Variants in CIT observed in about 807,000 individuals in gnomAD.
CIT encodes citron Rho-interacting kinase.
A neutral mutation model predicts 272.7 loss-of-function variants in CIT; 79 were observed. The ratio of observed to expected loss-of-function variants is 0.29; its 90% CI spans 0.24 to 0.35. The LOEUF (loss-of-function observed/expected upper bound fraction) is 0.35, where lower values mean the gene tolerates loss of function less well. Ranked by LOEUF, CIT falls within the 10% of genes least tolerant of loss-of-function variation. CIT has a pLI of 1.00. For missense variants in CIT, 1,909 were observed against 2,618.3 expected, an observed-to-expected ratio of 0.73 and a Z score of 5.91; for synonymous variants, 948 against 995.6, an observed-to-expected ratio of 0.95 and a Z score of 0.90.
intron 9 of CIT, among the ~76,000 whole-genome samples, chr12:119,808,887 T>C (rs1966750453): frequency 6.6e-6 from 1 of 152,232 alleles, no homozygotes. Flanking sequence ...CTTATCAATG[T>C]TATGAAGACA....
chr12:119,697,803 G>A lies in CIT; in HGVS notation c.5738C>T (p.Pro1913Leu), dbSNP rs756543423. ...PARAYLDIPNPRYLGPAISSG... is the reference protein window; with the variant it reads ...PARAYLDIPNLRYLGPAISSG... ...GGAAATGGCAGGGCCCAGGTAGCGC[G>A]GGTTCGGGATGTCCAGGTACGCTCG... is the stretch of plus-strand genomic sequence containing the variant. Residue 1913 changes from proline (P) to leucine (L), a missense_variant, in exon 46 of 48, where the codon CCG becomes CTG. By Grantham distance (98) the Pro-to-Leu change is moderately conservative. Coordinates refer to ENST00000392521, the MANE Select transcript of CIT (RefSeq NM_001206999.2). The surrounding 1 kb of genome is among the most constrained non-coding windows in gnomAD (Gnocchi z 4.9). 7 of 1,614,026 alleles carry A rather than the reference G, an allele frequency of 4.3e-6. No homozygotes were observed. Among genetic ancestry groups the A allele is most frequent in the African/African-American group, 2.7e-5 (2 of 74,890 alleles).
At chr12:119,737,371 A>G (rs1022255959) in intron 24 of CIT, among the ~76,000 whole-genome samples, 1 of 151,244 alleles carries the variant, frequency 6.6e-6, no homozygotes, top group East Asian at 1.9e-4. Context: ...AGACTAGACT[A>G]TAGAAAGTCT....
chr12:119,685,917 G>C lies in CIT; in HGVS notation c.*2315C>G, dbSNP rs1461234271. 6.6e-6 allele frequency: 1 copy of C among 152,506 alleles called. No individual in the cohort carries two copies. Among genetic ancestry groups the C allele is most frequent in the Non-Finnish European group, 1.5e-5 (1 of 68,028 alleles). The allele number at this position is 152,506 out of a possible 1,614,324, so 9.4% of individuals were successfully genotyped here. ...GAATAAAAAAGGTAATGAAGAAAAA[G>C]CCTGTACTTTTGGAGACCTAGAATC... On this transcript the variant is annotated 3_prime_UTR_variant, in exon 48 of 48. Transcript: ENST00000392521.
intron 2 of CIT, among the ~76,000 whole-genome samples, chr12:119,871,096 G>A (rs2138412910): frequency 6.8e-6 from 1 of 146,776 alleles, no homozygotes; most frequent in Admixed American, 7.0e-5. Flanking sequence ...TCCAGCCTGG[G>A]CGACAGGGCG....
At position 119,796,385 on chromosome 12, in the gene CIT, T is replaced by C. The variant is rs183347767; in HGVS notation, c.1295+6821A>G. ...TGCCAATGAGGAAGAAAGATGGGTATGGATGCAAGTGGCATCCTAGAGGCA... is the reference window on the plus strand; with the variant it reads ...TGCCAATGAGGAAGAAAGATGGGTACGGATGCAAGTGGCATCCTAGAGGCA... On this transcript the variant is annotated intron_variant, in intron 10 of 47. Coordinates refer to ENST00000392521, the MANE Select transcript of CIT (RefSeq NM_001206999.2). Among the ~76,000 whole-genome samples the C allele has an allele frequency of 1.4e-4, 22 of 152,218 alleles. 1 individual carries two copies. Among genetic ancestry groups the C allele is most frequent in the African/African-American group, 5.3e-4 (22 of 41,528 alleles).
chr12:119,691,540 T>C (rs560613853), intron 46 of CIT, among the ~76,000 whole-genome samples: 1 of 152,010 alleles, frequency 6.6e-6, no homozygotes, highest in Non-Finnish European at 1.5e-5. Context: ...TCAGGCCTGA[T>C]AGAGTCAGGA....
Position 119,799,284 on chromosome 12 carries a change from G to C in CIT, c.1295+3922C>G, listed in dbSNP as rs545873894. Among the ~76,000 whole-genome samples, 13 of 152,252 alleles carry C rather than the reference G, an allele frequency of 8.5e-5. No homozygotes were observed. The South Asian group carries it at 1.2e-3, about 15-fold the overall frequency. Reference sequence around the variant, plus strand: ...ATAACAACAGTGAACATTTACCAAGGCTTTTCCATGTGCCAGGTACTAGAC... The same window carrying C: ...ATAACAACAGTGAACATTTACCAAGCCTTTTCCATGTGCCAGGTACTAGAC... On this transcript the variant is annotated intron_variant, in intron 10 of 47. Coordinates refer to ENST00000392521, the MANE Select transcript of CIT (RefSeq NM_001206999.2).
intron 5 of CIT, among the ~76,000 whole-genome samples, chr12:119,840,060 G>A (rs1348097156): frequency 6.6e-6 from 1 of 152,200 alleles, no homozygotes; most frequent in Non-Finnish European, 1.5e-5. Context: ...CTCATGCCAG[G>A]AATGCCGGCA....
chr12:119,829,507 C>T (rs773025265), intron 7 of CIT, among the ~76,000 whole-genome samples: 2 of 152,304 alleles, frequency 1.3e-5, no homozygotes, highest in South Asian at 2.1e-4. Context: ...CTTACTATGT[C>T]GTTCCTCTTG....
intron 18 of CIT, among the ~76,000 whole-genome samples, chr12:119,769,908 C>T (rs1962901099): frequency 6.6e-6 from 1 of 152,124 alleles, no homozygotes; most frequent in Non-Finnish European, 1.5e-5. Flanking sequence ...ACTCATTTCC[C>T]AGAAGTGATG....
intron 44 of CIT, among the ~76,000 whole-genome samples, chr12:119,699,324 C>A (rs1246570667): frequency 6.7e-6 from 1 of 149,318 alleles, no homozygotes; most frequent in Non-Finnish European, 1.5e-5. Flanking sequence ...GCTATTTAGA[C>A]ATTGCTGGTC....
chr12:119,866,934 G>A (rs1156639033), intron 3 of CIT, among the ~76,000 whole-genome samples: 3 of 152,162 alleles, frequency 2.0e-5, no homozygotes, highest in Non-Finnish European at 4.4e-5. Flanking sequence ...GGCATCACAG[G>A]CTGTAGTTCC....
In CIT at chr12:119,835,405, T is replaced by TC. The variant is rs573836558; in HGVS notation, c.517-1178dup. Among the ~76,000 whole-genome samples the TC allele has an allele frequency of 1.2e-3, 183 of 151,830 alleles. 1 individual carries two copies. Among genetic ancestry groups the TC allele is most frequent in the South Asian group, 6.9e-3 (33 of 4,790 alleles). On this transcript the variant is annotated intron_variant, in intron 5 of 47. Coordinates refer to ENST00000392521, the MANE Select transcript of CIT (RefSeq NM_001206999.2). ...TCACCTACCATTCAATTCCCTTTCT[T>TC]CCCCCCCACTTTACTGCATGATCCT...
At position 119,782,627 on chromosome 12, in the gene CIT, C is replaced by T. The variant is rs746417068; in HGVS notation, c.1556G>A (p.Arg519Gln). 8.7e-6 allele frequency: 14 copies of T among 1,614,008 alleles called. No homozygotes were observed. In the Admixed American group the frequency reaches 1.0e-4, roughly 12 times the overall value. ...CTCCATCCGTGCTTGCTCCAAACTT[C>T]GCTTTAAGCTCTGCAGAAAGCAAAA... Reference protein sequence around the residue: ...TYITECSSLKRSLEQARMEVS... With the variant: ...TYITECSSLKQSLEQARMEVS... The change falls in exon 13 of 48, where the codon CGA becomes CAA. Residue 519 changes from arginine (R) to glutamine (Q), a missense_variant. By Grantham distance (43) the Arg-to-Gln change is conservative. Coordinates refer to ENST00000392521, the MANE Select transcript of CIT (RefSeq NM_001206999.2).
intron 5 of CIT, among the ~76,000 whole-genome samples, chr12:119,839,465 A>G (rs921044099): frequency 2.6e-5 from 4 of 152,180 alleles, no homozygotes; most frequent in Admixed American, 1.3e-4. Context: ...GCTCTGCCCA[A>G]TGTTCCTGAT....
At chr12:119,776,625 T>C (rs763328416) in intron 14 of CIT, 47 bp downstream of exon 14, 96 of 1,553,160 alleles carry the variant, frequency 6.2e-5, no homozygotes, top group Non-Finnish European at 7.2e-5. Context: ...GCTAAGATCA[T>C]GTACAATTTT....
chr12:119,773,983 AG>A (rs1201124761), intron 16 of CIT, among the ~76,000 whole-genome samples: 1 of 152,218 alleles, frequency 6.6e-6, no homozygotes, highest in East Asian at 1.9e-4. Context: ...TTAAGAAGGA[AG>A]GAAATTCTGA....
At chr12:119,733,260 T>C (rs1469552756) in intron 26 of CIT, among the ~76,000 whole-genome samples, 4 of 150,358 alleles carry the variant, frequency 2.7e-5, no homozygotes, top group Non-Finnish European at 5.9e-5. Flanking sequence ...CCAGGTGTGG[T>C]GGCTCACGCT....
chr12:119,784,576 G>T lies in CIT; in HGVS notation c.1401+384C>A. 8.5e-7 allele frequency: 1 copy of T among 1,171,180 alleles called. No individual in the cohort carries two copies. The highest frequency in any genetic ancestry group is 1.1e-6 in the Non-Finnish European group (1 of 940,116). 72.5% of individuals were successfully genotyped at this position (1,171,180 alleles called of 1,614,324 possible). A position where few individuals can be genotyped will look rare whatever the true frequency, so the allele number is the denominator to read the frequency against. On this transcript the variant is annotated intron_variant, in intron 11 of 47. Transcript: ENST00000392521. The surrounding 1 kb of genome is among the most constrained non-coding windows in gnomAD (Gnocchi z 4.7). ...GACGTTGAGCGTAATCAACACAGTG[G>T]CCGCAGTGACATAAGCAGGAGTTTT...
Sources: gnomAD v4.1 joint callset for allele counts (sites outside exome capture counted in the v4.1 genomes callset) on GRCh38, gnomAD v4.1.1 for gene constraint, Gnocchi (gnomAD v3.1) non-coding constraint, MANE v1.5 for transcripts, NCBI Gene and HGNC (gene_info 2026-07-23, HGNC 2026-07-21) for gene names.